PPFIA2: variants seen among roughly 807,000 people sequenced by gnomAD.
PPFIA2 encodes the protein PPFI scaffold protein A2.
Under a neutral mutation model 175.5 loss-of-function variants are expected in PPFIA2, and 46 were observed. The ratio of observed to expected loss-of-function variants is 0.26; its 90% CI spans 0.21 to 0.34. The LOEUF is 0.34. Among genes scored for constraint, PPFIA2 ranks in the 10% least tolerant of loss-of-function variants. The pLI, the probability that PPFIA2 is intolerant of heterozygous loss-of-function variation, is 1.00. For synonymous variants in PPFIA2, 568 were observed against 511.4 expected, an observed-to-expected ratio of 1.11 and a Z score of -1.49; for missense variants, 1,179 against 1,506.1, an observed-to-expected ratio of 0.78 and a Z score of 3.60.
intron 3 of PPFIA2, among the ~76,000 whole-genome samples, chr12:81,709,307 C>T (rs1178705489): frequency 6.6e-6 from 1 of 152,110 alleles, no homozygotes; most frequent in African/African-American, 2.4e-5. Flanking sequence ...ACCACTTCCC[C>T]TAATGTAGGA....
At chr12:81,592,086 A>G (rs1364038708) in intron 4 of PPFIA2, among the ~76,000 whole-genome samples, 3 of 152,140 alleles carry the variant, frequency 2.0e-5, no homozygotes, top group Non-Finnish European at 2.9e-5. Context: ...TGAGACATGA[A>G]GTCAAAGGAG....
chr12:81,426,594 A>C (rs910640814), intron 7 of PPFIA2, among the ~76,000 whole-genome samples: 1 of 152,224 alleles, frequency 6.6e-6, no homozygotes, highest in East Asian at 1.9e-4. Flanking sequence ...GTTTTTTAAA[A>C]GTAAAATCAT....
intron 19 of PPFIA2, among the ~76,000 whole-genome samples, chr12:81,343,114 A>G (rs1164611616): frequency 6.6e-6 from 1 of 152,032 alleles, no homozygotes; most frequent in African/African-American, 2.4e-5. Context: ...TTCCTCATCA[A>G]TAAAATGGAA....
At chr12:81,739,368 T>C (rs1032162674) in intron 3 of PPFIA2, among the ~76,000 whole-genome samples, 4 of 152,082 alleles carry the variant, frequency 2.6e-5, no homozygotes, top group Non-Finnish European at 5.9e-5. Flanking sequence ...CATAGTACTG[T>C]ATTCTGATAG....
chr12:81,730,356 A>AG (rs2080711063), intron 3 of PPFIA2, among the ~76,000 whole-genome samples: 1 of 151,694 alleles, frequency 6.6e-6, no homozygotes. Context: ...AATGACTCAC[A>AG]GTTCCACATT....
chr12:81,511,725 T>C (rs1012225723), intron 4 of PPFIA2, among the ~76,000 whole-genome samples: 2 of 152,052 alleles, frequency 1.3e-5, no homozygotes, highest in Non-Finnish European at 2.9e-5. Flanking sequence ...GATGAATGAA[T>C]ACATGTATTT....
chr12:81,754,014 G>A lies in PPFIA2; in HGVS notation c.208C>T (p.Arg70Ter). Residue 70 changes from arginine (R) to a stop codon, truncating the protein, a stop_gained, in exon 3 of 33, where the codon CGA becomes TGA. Coordinates refer to ENST00000549396, the MANE Select transcript of PPFIA2 (RefSeq NM_003625.5). LOFTEE classifies it high-confidence loss of function. Reference sequence around the variant, plus strand: ...TTGAGCTGTCTCTGGAGTGAGTCTCGGTCATAGATGACATCCTGAAGTCTT... The same window carrying A: ...TTGAGCTGTCTCTGGAGTGAGTCTCAGTCATAGATGACATCCTGAAGTCTT... Reference protein sequence around the residue: ...QQRLQDVIYDRDSLQRQLNSA... With the variant: ...QQRLQDVIYD The A allele has an allele frequency of 1.2e-6, 2 of 1,613,748 alleles. No homozygotes were observed. Among genetic ancestry groups the A allele is most frequent in the Non-Finnish European group, 1.7e-6 (2 of 1,179,840 alleles).
chr12:81,391,073 T>C lies in PPFIA2; in HGVS notation c.763-6829A>G, dbSNP rs192803467. On this transcript the variant is annotated intron_variant, in intron 8 of 32. Transcript: ENST00000549396. The stretch of plus-strand genomic sequence containing the variant: ...AAAAGGTGATAATACTTTTCTGACA[T>C]CAAGGCAATTCTATCAAGCAAAGAA... 2.9e-4 allele frequency among the ~76,000 whole-genome samples: 44 copies of C among 152,070 alleles called. 1 individual carries two copies. The highest frequency in any genetic ancestry group is 1.1e-3 in the African/African-American group (44 of 41,540).
chr12:81,618,198 C>G (rs2061604854), intron 4 of PPFIA2, among the ~76,000 whole-genome samples: 1 of 152,078 alleles, frequency 6.6e-6, no homozygotes, highest in African/African-American at 2.4e-5. Flanking sequence ...CATTACAGCT[C>G]TCTACTTTCT....
intron 23 of PPFIA2, chr12:81,298,133 A>C (rs1594216410): frequency 6.6e-6 from 1 of 152,160 alleles, no homozygotes; most frequent in African/African-American, 2.4e-5. Flanking sequence ...TCGGAGCAAA[A>C]ACTGAACAAA....
chr12:81,488,567 C>T (rs1043059704), intron 4 of PPFIA2, among the ~76,000 whole-genome samples: 41 of 151,800 alleles, frequency 2.7e-4, no homozygotes, highest in African/African-American at 8.7e-4. Context: ...ACGGGCCTTA[C>T]AGCCTACTCT....
intron 4 of PPFIA2, among the ~76,000 whole-genome samples, chr12:81,533,865 T>C (rs7304553): frequency 0.11 from 16,527 of 151,318 alleles, 1,017 homozygotes; most frequent in Middle Eastern, 0.15. Flanking sequence ...CCTAGTAAAT[T>C]TGCACAATAA....
At chr12:81,367,246 A>G (rs914895623) in intron 13 of PPFIA2, 76 bp from the exon 14 acceptor site, 5 of 959,466 alleles carry the variant, frequency 5.2e-6, no homozygotes, top group Admixed American at 4.0e-5. Context: ...TTAATATCTT[A>G]TCACTCAAGA....
intron 4 of PPFIA2, among the ~76,000 whole-genome samples, chr12:81,673,395 T>TC (rs1249997685): frequency 2.0e-5 from 3 of 152,128 alleles, no homozygotes; most frequent in Non-Finnish European, 1.5e-5. Flanking sequence ...GTGGGGCACT[T>TC]TGATTCTTTA....
intron 4 of PPFIA2, among the ~76,000 whole-genome samples, chr12:81,635,658 T>C (rs1338666619): frequency 6.6e-6 from 1 of 152,202 alleles, no homozygotes; most frequent in Non-Finnish European, 1.5e-5. Context: ...CCAGCCCTGC[T>C]GTTAGCTGGA....
intron 8 of PPFIA2, among the ~76,000 whole-genome samples, chr12:81,397,884 T>A (rs1359321226): frequency 2.0e-5 from 3 of 151,890 alleles, no homozygotes; most frequent in Non-Finnish European, 2.9e-5. Context: ...GTGAACCCTA[T>A]TGTGAACTGT....
intron 4 of PPFIA2, among the ~76,000 whole-genome samples, chr12:81,491,207 TTTTTTG>T (rs1338574738): frequency 1.4e-5 from 1 of 72,326 alleles, no homozygotes; most frequent in Non-Finnish European, 2.6e-5. Flanking sequence ...TGGAATTACT[TTTTTTG>T]TTTTTTTGCT....
At chr12:81,267,231 C>G in intron 29 of PPFIA2, 1 of 572,946 alleles carries the variant, frequency 1.7e-6, no homozygotes. Context: ...AGTAGAGAGA[C>G]AGTCTTGCAT....
At chr12:81,641,859 TC>T (rs1481001917) in intron 4 of PPFIA2, among the ~76,000 whole-genome samples, 1 of 152,206 alleles carries the variant, frequency 6.6e-6, no homozygotes, top group Non-Finnish European at 1.5e-5. Flanking sequence ...TTATTATGCA[TC>T]AAAGTGTAGC....
Sources: gnomAD v4.1 joint callset for allele counts (sites outside exome capture counted in the v4.1 genomes callset) on GRCh38, gnomAD v4.1.1 for gene constraint, MANE v1.5 for transcripts, NCBI Gene and HGNC (gene_info 2026-07-23, HGNC 2026-07-21) for gene names.